SEMA5A: variants seen among roughly 807,000 people sequenced by gnomAD.
The protein encoded by SEMA5A is semaphorin-5A.
Under a neutral mutation model 135.5 loss-of-function variants are expected in SEMA5A, and 55 were observed. That is an observed-to-expected ratio of 0.41 (90% confidence interval 0.33 to 0.51). The LOEUF (loss-of-function observed/expected upper bound fraction) is 0.51. Ranked by LOEUF, SEMA5A falls within the 20% of genes least tolerant of loss-of-function variation. The pLI, the probability that SEMA5A is intolerant of heterozygous loss-of-function variation, is 0.37. For missense variants in SEMA5A, 1,290 were observed against 1,419.9 expected (o/e 0.91, Z 1.47); for synonymous variants, 580 against 546.5 (o/e 1.06, Z -0.85).
At chr5:9,427,241 G>C (rs1175629025) in intron 2 of SEMA5A, among the ~76,000 whole-genome samples, 1 of 151,852 alleles carries the variant, frequency 6.6e-6, no homozygotes, top group African/African-American at 2.4e-5. Flanking sequence ...AACCTAGAAG[G>C]CAGAGGTTGC....
chr5:9,360,221 C>T (rs374291996), intron 3 of SEMA5A, among the ~76,000 whole-genome samples: 1 of 152,260 alleles, frequency 6.6e-6, no homozygotes, highest in African/African-American at 2.4e-5. Context: ...GGTATGCACA[C>T]ACCTGCAGAG....
intron 5 of SEMA5A, among the ~76,000 whole-genome samples, chr5:9,305,247 T>G (rs1035197502): frequency 2.0e-5 from 3 of 152,234 alleles, no homozygotes; most frequent in African/African-American, 7.2e-5. Flanking sequence ...ATTTATTTAC[T>G]AATTTTCCAT....
intron 3 of SEMA5A, among the ~76,000 whole-genome samples, chr5:9,366,703 A>G (rs570463381): frequency 1.1e-3 from 169 of 152,298 alleles, no homozygotes; most frequent in Middle Eastern, 3.4e-3. Flanking sequence ...AAAGAATTCT[A>G]TTGTGTTGTT....
rs536866224 is a variant in SEMA5A at position 9,172,903 on chromosome 5, G to A, written c.1273+17364C>T. 4.6e-5 allele frequency among the ~76,000 whole-genome samples: 7 copies of A among 152,294 alleles called. No homozygotes were observed. In the East Asian group the frequency reaches 1.4e-3, roughly 29 times the overall value. ...ACTCAGTTGAAACACAGTGGTTATA[G>A]GTAGCAAGAAATGCCCTTCTAAACA... On this transcript the variant is annotated intron_variant, in intron 11 of 22. Coordinates refer to ENST00000382496, the MANE Select transcript of SEMA5A (RefSeq NM_003966.3).
chr5:9,218,554 T>G (rs1746761115), intron 8 of SEMA5A, among the ~76,000 whole-genome samples: 1 of 152,178 alleles, frequency 6.6e-6, no homozygotes, highest in African/African-American at 2.4e-5. Context: ...ATGCAAAAAT[T>G]TTGCTGACTA....
At chr5:9,335,981 A>G (rs1753372170) in intron 4 of SEMA5A, among the ~76,000 whole-genome samples, 1 of 152,056 alleles carries the variant, frequency 6.6e-6, no homozygotes, top group African/African-American at 2.4e-5. Context: ...GCAATATTGT[A>G]CATTAAGTGC....
At chr5:9,129,270 G>A (rs148821222) in intron 13 of SEMA5A, among the ~76,000 whole-genome samples, 1 of 152,248 alleles carries the variant, frequency 6.6e-6, no homozygotes, top group South Asian at 2.1e-4. Context: ...GCAAATCACA[G>A]TGAGAACACA....
chr5:9,323,377 C>T lies in SEMA5A; in HGVS notation c.225-4960G>A, dbSNP rs371044242. On this transcript the variant is annotated intron_variant, in intron 4 of 22. Transcript: ENST00000382496. Reference sequence around the variant, plus strand: ...ACTGAGTAACTTATTTCAAAATAATCTTAAAAGAAATCTCAACATATAAAA... The same window carrying T: ...ACTGAGTAACTTATTTCAAAATAATTTTAAAAGAAATCTCAACATATAAAA... Among the ~76,000 whole-genome samples the T allele has an allele frequency of 5.3e-5, 8 of 152,100 alleles. 1 individual carries two copies. In the East Asian group the frequency reaches 1.4e-3, roughly 26 times the overall value.
chr5:9,289,247 T>C (rs928446390), intron 5 of SEMA5A, among the ~76,000 whole-genome samples: 1 of 152,252 alleles, frequency 6.6e-6, no homozygotes, highest in Non-Finnish European at 1.5e-5. Flanking sequence ...AAATGATTGA[T>C]ATTATAAAGT....
At chr5:9,206,525 C>A (rs1746026152) in intron 8 of SEMA5A, among the ~76,000 whole-genome samples, 2 of 151,968 alleles carry the variant, frequency 1.3e-5, no homozygotes, top group Non-Finnish European at 2.9e-5. Flanking sequence ...CCAAAAGAAG[C>A]CTCCCATTCT....
Position 9,037,831 on chromosome 5 carries a change from T to C in SEMA5A, c.*5066A>G, listed in dbSNP as rs1735734519. On this transcript the variant is annotated 3_prime_UTR_variant, in exon 23 of 23. Coordinates refer to ENST00000382496, the MANE Select transcript of SEMA5A (RefSeq NM_003966.3). Reference sequence around the variant, plus strand: ...AAAAAATCTTTAAATCCATTATAATTAATGACCTCAATAGGGCAGAATAGC... The same window carrying C: ...AAAAAATCTTTAAATCCATTATAATCAATGACCTCAATAGGGCAGAATAGC... 6.6e-6 allele frequency: 1 copy of C among 152,212 alleles called. No individual in the cohort carries two copies. Among genetic ancestry groups the C allele is most frequent in the Admixed American group, 6.5e-5 (1 of 15,290 alleles). 9.4% of individuals were successfully genotyped at this position (152,212 alleles called of 1,614,324 possible).
At chr5:9,063,344 T>C (rs1055631895) in intron 17 of SEMA5A, among the ~76,000 whole-genome samples, 1 of 152,214 alleles carries the variant, frequency 6.6e-6, no homozygotes, top group Non-Finnish European at 1.5e-5. Context: ...TCCATGTGAA[T>C]GTGGTGAACC....
intron 2 of SEMA5A, among the ~76,000 whole-genome samples, chr5:9,409,336 T>C (rs2126597935): frequency 6.6e-6 from 1 of 152,364 alleles, no homozygotes; most frequent in Middle Eastern, 3.4e-3. Context: ...ATTCAGGCTT[T>C]ACCTCTCATC....
chr5:9,510,013 G>A (rs1736117295), intron 1 of SEMA5A, among the ~76,000 whole-genome samples: 1 of 152,180 alleles, frequency 6.6e-6, no homozygotes, highest in Non-Finnish European at 1.5e-5. Context: ...TTTACATGGG[G>A]ATAGAATGTC....
At chr5:9,313,022 G>C (rs1488895095) in intron 5 of SEMA5A, among the ~76,000 whole-genome samples, 1 of 152,158 alleles carries the variant, frequency 6.6e-6, no homozygotes, top group Non-Finnish European at 1.5e-5. Context: ...TGCTCCTACT[G>C]TAGCCAGGAA....
chr5:9,425,446 A>G (rs1757613643), intron 2 of SEMA5A, among the ~76,000 whole-genome samples: 1 of 152,190 alleles, frequency 6.6e-6, no homozygotes, highest in Admixed American at 6.5e-5. Flanking sequence ...CTTTGACTGC[A>G]ATTTTCAAGA....
intron 3 of SEMA5A, among the ~76,000 whole-genome samples, chr5:9,367,896 T>C (rs1754983503): frequency 6.6e-6 from 1 of 152,188 alleles, no homozygotes; most frequent in African/African-American, 2.4e-5. Context: ...CCTGTCTCTC[T>C]TGCTCCCGCT....
intron 5 of SEMA5A, among the ~76,000 whole-genome samples, chr5:9,248,434 A>C (rs1001222488): frequency 7.9e-5 from 12 of 152,134 alleles, no homozygotes; most frequent in Non-Finnish European, 1.6e-4. Flanking sequence ...GCCTACACCA[A>C]TTAGGGCCTT....
At chr5:9,175,168 CA>C (rs939607027) in intron 11 of SEMA5A, among the ~76,000 whole-genome samples, 1 of 152,032 alleles carries the variant, frequency 6.6e-6, no homozygotes, top group African/African-American at 2.4e-5. Flanking sequence ...AAAGGAATTG[CA>C]AAGGTCATCC....
Sources: allele counts gnomAD v4.1 joint callset (sites outside exome capture counted in the v4.1 genomes callset), GRCh38; gene constraint gnomAD v4.1.1; transcripts MANE v1.5; gene names NCBI Gene and HGNC (gene_info 2026-07-23, HGNC 2026-07-21).